The following DNM3 variants were observed in gnomAD, a reference collection of about 807,000 sequenced individuals.
The protein encoded by DNM3 is dynamin-3.
A neutral mutation model predicts 101.6 loss-of-function variants in DNM3; 47 were observed. That is an observed-to-expected ratio of 0.46 (90% confidence interval 0.37 to 0.59). The LOEUF is 0.59. Among genes scored for constraint, DNM3 ranks in the 20% least tolerant of loss-of-function variants. The pLI, the probability that DNM3 is intolerant of heterozygous loss-of-function variation, is 0.00. For missense variants in DNM3, 849 were observed against 1,085.7 expected, an observed-to-expected ratio of 0.78 and a Z score of 3.06; for synonymous variants, 385 against 387.9, an observed-to-expected ratio of 0.99 and a Z score of 0.09.
chr1:172,078,693 A>G (rs913860729), intron 11 of DNM3, among the ~76,000 whole-genome samples: 3 of 152,100 alleles, frequency 2.0e-5, no homozygotes, highest in African/African-American at 7.2e-5. Context: ...TTTGCCCATT[A>G]GTTGATGCAG....
chr1:171,877,541 C>A (rs1252830639), intron 1 of DNM3, among the ~76,000 whole-genome samples: 1 of 152,198 alleles, frequency 6.6e-6, no homozygotes, highest in African/African-American at 2.4e-5. Context: ...TTTCTATTTC[C>A]ATCCTCAATG....
intron 13 of DNM3, among the ~76,000 whole-genome samples, chr1:172,109,744 T>C (rs74475316): frequency 0.011 from 1,735 of 152,350 alleles, 34 homozygotes; most frequent in African/African-American, 0.039. Flanking sequence ...GAATGCCTGT[T>C]ACTTATATGT....
chr1:172,057,200 G>A (rs2050715631), intron 10 of DNM3, among the ~76,000 whole-genome samples: 1 of 152,206 alleles, frequency 6.6e-6, no homozygotes, highest in Admixed American at 6.5e-5. Context: ...TATGTGAAAA[G>A]ACCAAATCTA....
intron 2 of DNM3, among the ~76,000 whole-genome samples, chr1:171,953,228 G>A (rs1237248984): frequency 3.3e-5 from 5 of 151,900 alleles, no homozygotes; most frequent in African/African-American, 7.3e-5. Flanking sequence ...GCTTGCTATC[G>A]CCTACTTATC....
Position 172,032,422 on chromosome 1 carries a change from A to G in DNM3, c.610A>G (p.Ile204Val). 1 of 1,612,116 alleles carries G rather than the reference A, an allele frequency of 6.2e-7. No homozygotes were observed. Among genetic ancestry groups the G allele is most frequent in the Non-Finnish European group, 8.5e-7 (1 of 1,178,810 alleles). ...TGCAGGTCTGAGAACCATTGGAGTT[A>G]TCACCAAACTGGACCTTATGGATGA... ...DPQGLRTIGV[I>V]TKLDLMDEGT... Residue 204 changes from isoleucine (I) to valine (V), a missense_variant, in exon 5 of 21, where the codon ATC becomes GTC. Physicochemically the swap from Ile to Val is conservative, Grantham distance 29. Around this residue, in one of 5 missense-constraint regions of DNM3, gnomAD observed 388 missense variants for 483.0 expected, o/e 0.80. Coordinates refer to ENST00000627582, the MANE Select transcript of DNM3 (RefSeq NM_015569.5).
intron 13 of DNM3, among the ~76,000 whole-genome samples, chr1:172,126,665 C>A (rs1348547434): frequency 2.6e-5 from 4 of 151,902 alleles, no homozygotes; most frequent in Non-Finnish European, 5.9e-5. Flanking sequence ...TTTAGCATCA[C>A]ATCAGCTTAA....
intron 15 of DNM3, among the ~76,000 whole-genome samples, chr1:172,278,327 G>A (rs576852166): frequency 1.3e-5 from 2 of 151,966 alleles, no homozygotes; most frequent in South Asian, 2.1e-4. Context: ...GTAATGCAGG[G>A]GTGCCCAATC....
At chr1:172,204,320 CT>C (rs1216198777) in intron 14 of DNM3, among the ~76,000 whole-genome samples, 2 of 151,972 alleles carry the variant, frequency 1.3e-5, no homozygotes, top group Non-Finnish European at 2.9e-5. Context: ...AAAAATACAC[CT>C]AATTGTGTTA....
chr1:172,128,588 A>G lies in DNM3; in HGVS notation c.1546-2587A>G, dbSNP rs566991595. On this transcript the variant is annotated intron_variant, in intron 13 of 20. Transcript: ENST00000627582. ...CAATATATGTAAAATACATTTTGAC[A>G]TGCAATAATTGTTTTAAATTAATGA... Among the ~76,000 whole-genome samples, 24 of 152,364 alleles carry G rather than the reference A, an allele frequency of 1.6e-4. 1 individual carries two copies. The South Asian group carries it at 3.1e-3, about 20-fold the overall frequency.
intron 17 of DNM3, among the ~76,000 whole-genome samples, chr1:172,358,707 C>G (rs1048489556): frequency 2.6e-5 from 4 of 152,068 alleles, no homozygotes; most frequent in Non-Finnish European, 4.4e-5. Context: ...CAGTTTGATT[C>G]ATTGCTTCTC....
intron 12 of DNM3, among the ~76,000 whole-genome samples, chr1:172,091,897 G>A (rs1188809684): frequency 2.0e-5 from 3 of 152,132 alleles, no homozygotes; most frequent in Non-Finnish European, 4.4e-5. Flanking sequence ...GGACCAAGGT[G>A]GGACCAATGG....
At chr1:171,940,051 T>C (rs1488443397) in intron 2 of DNM3, among the ~76,000 whole-genome samples, 1 of 152,162 alleles carries the variant, frequency 6.6e-6, no homozygotes, top group African/African-American at 2.4e-5. Flanking sequence ...TATTGCTGAA[T>C]GATATGATCA....
rs143013884 is a variant in DNM3 at position 172,013,497 on chromosome 1, T to C, written c.590-18905T>C. Among the ~76,000 whole-genome samples, 529 of 152,212 alleles carry C rather than the reference T, an allele frequency of 3.5e-3. 3 individuals carry two copies. The highest frequency in any genetic ancestry group is 0.01 in the Middle Eastern group (3 of 294). ...TAGCTTAGAATATATATGTAGTTCC[T>C]GTTTTTGAAGAGACTATGCCCCGGT... On this transcript the variant is annotated intron_variant, in intron 4 of 20. Transcript: ENST00000627582.
intron 4 of DNM3, among the ~76,000 whole-genome samples, chr1:172,009,314 G>A (rs2046963674): frequency 6.7e-6 from 1 of 149,950 alleles, no homozygotes; most frequent in South Asian, 2.1e-4. Flanking sequence ...ATCAGATAGT[G>A]TATTTTTTAT....
At chr1:172,186,767 C>A (rs1439137880) in intron 14 of DNM3, among the ~76,000 whole-genome samples, 1 of 152,070 alleles carries the variant, frequency 6.6e-6, no homozygotes, top group East Asian at 1.9e-4. Context: ...TGTTCTTTAA[C>A]TTTTTGAAGT....
At chr1:171,846,076 G>A (rs2032043280) in intron 1 of DNM3, among the ~76,000 whole-genome samples, 1 of 152,154 alleles carries the variant, frequency 6.6e-6, no homozygotes, top group Admixed American at 6.5e-5. Context: ...CAATTAAAAT[G>A]TCATAATTAT....
chr1:172,118,217 G>A (rs1183088458), intron 13 of DNM3, among the ~76,000 whole-genome samples: 1 of 152,094 alleles, frequency 6.6e-6, no homozygotes, highest in Non-Finnish European at 1.5e-5. Flanking sequence ...TAGTATTTAT[G>A]GTAGTGGGTT....
intron 7 of DNM3, among the ~76,000 whole-genome samples, chr1:172,041,239 T>C (rs1171135724): frequency 6.6e-6 from 1 of 152,004 alleles, no homozygotes; most frequent in Non-Finnish European, 1.5e-5. Context: ...TGAGCTGTAA[T>C]GGAGAAGAAA....
chr1:172,229,551 G>C (rs1049770919), intron 14 of DNM3, among the ~76,000 whole-genome samples: 4 of 152,084 alleles, frequency 2.6e-5, no homozygotes, highest in African/African-American at 9.7e-5. Flanking sequence ...TGAAAATGTT[G>C]TCTTTAATAA....
Sources: allele counts gnomAD v4.1 joint callset (sites outside exome capture counted in the v4.1 genomes callset), GRCh38; gene constraint gnomAD v4.1.1; regional missense constraint gnomAD v4.1.1; transcripts MANE v1.5; gene names NCBI Gene and HGNC (gene_info 2026-07-23, HGNC 2026-07-21).